Variants in ANXA13 observed in about 807,000 individuals in gnomAD.
ANXA13 encodes annexin XIII.
In ANXA13, 36 loss-of-function variants were observed where a neutral mutation model predicts 46.6. That is an observed-to-expected ratio of 0.77 (90% CI 0.59 to 1.02). The LOEUF (loss-of-function observed/expected upper bound fraction) is 1.02. Among genes scored for constraint, ANXA13 ranks in the 50% least tolerant of loss-of-function variants. The probability of loss-of-function intolerance (pLI) is 0.00; values close to 1 mark genes in which losing one functional copy is unlikely to be tolerated. For synonymous variants in ANXA13, 163 were observed against 152.9 expected, an observed-to-expected ratio of 1.07 and a Z score of -0.49; for missense variants, 417 against 396.5, an observed-to-expected ratio of 1.05 and a Z score of -0.44.
chr8:123,737,269 C>T (rs370658496), intron 1 of ANXA13, 51 bp downstream of exon 1: 2 of 1,561,606 alleles, frequency 1.3e-6, no homozygotes, highest in African/African-American at 1.4e-5. Context: ...TTAAATTCTT[C>T]CACATGCTAA....
intron 1 of ANXA13, chr8:123,729,161 G>T (rs1814060362): frequency 6.6e-6 from 1 of 152,188 alleles, no homozygotes; most frequent in South Asian, 2.1e-4. Context: ...ACATCTTACA[G>T]ATACTTAGAG....
rs1563604403 is a variant in ANXA13, at chr8:123,686,754, A to G, written c.719-2032T>C. Among the ~76,000 whole-genome samples, 2 of 152,148 alleles carry G rather than the reference A, an allele frequency of 1.3e-5. 1 individual carries two copies. Among genetic ancestry groups the G allele is most frequent in the Admixed American group, 1.3e-4 (2 of 15,280 alleles). On this transcript the variant is annotated intron_variant, in intron 9 of 10. Coordinates refer to ENST00000419625, the MANE Select transcript of ANXA13 (RefSeq NM_004306.4). ...CTCACTTTGAGAAATGCTGCTCCAG[A>G]GGCTGGATGTGGTGGGAGCCATTTG...
intron 10 of ANXA13, among the ~76,000 whole-genome samples, chr8:123,681,885 G>A (rs1813046532): frequency 6.6e-6 from 1 of 151,974 alleles, no homozygotes; most frequent in Non-Finnish European, 1.5e-5. Context: ...CTCAGCTCCC[G>A]AAGTGCTGGG....
At chr8:123,692,105 A>G (rs1813254508) in intron 8 of ANXA13, among the ~76,000 whole-genome samples, 1 of 152,152 alleles carries the variant, frequency 6.6e-6, no homozygotes, top group Non-Finnish European at 1.5e-5. Flanking sequence ...CCAAAGCTTT[A>G]TTGTCTTTTT....
chr8:123,731,722 A>G (rs1412524204), intron 1 of ANXA13, among the ~76,000 whole-genome samples: 1 of 152,076 alleles, frequency 6.6e-6, no homozygotes, highest in African/African-American at 2.4e-5. Context: ...AAAAAATTAA[A>G]AAGTAGCTGG....
At chr8:123,723,780 T>C (rs1361306682) in intron 1 of ANXA13, among the ~76,000 whole-genome samples, 2 of 152,220 alleles carry the variant, frequency 1.3e-5, no homozygotes, top group African/African-American at 4.8e-5. Context: ...ACTTTTTTAT[T>C]AGTCTATTTC....
At chr8:123,689,632 T>C (rs893972006) in intron 8 of ANXA13, among the ~76,000 whole-genome samples, 1 of 152,146 alleles carries the variant, frequency 6.6e-6, no homozygotes, top group Non-Finnish European at 1.5e-5. Flanking sequence ...CTGCGCAGCA[T>C]TACACATTAG....
chr8:123,715,454 C>G lies in ANXA13; in HGVS notation c.16-2701G>C, dbSNP rs543508397. On this transcript the variant is annotated intron_variant, in intron 1 of 10. Transcript: ENST00000419625. ...AATTGAATCAGGGCAACAGAAATCT[C>G]CTATCACTCGGCTAATTCATGAGCT... Among the ~76,000 whole-genome samples the G allele has an allele frequency of 3.3e-5, 5 of 152,356 alleles. No homozygotes were observed. In the South Asian group the frequency reaches 1.0e-3, roughly 32 times the overall value.
intron 1 of ANXA13, among the ~76,000 whole-genome samples, chr8:123,716,793 C>T (rs1813766866): frequency 6.6e-6 from 1 of 152,092 alleles, no homozygotes; most frequent in African/African-American, 2.4e-5. Flanking sequence ...GGATAGACAG[C>T]TGACGATGGG....
chr8:123,708,442 A>T (rs949447713), intron 2 of ANXA13, among the ~76,000 whole-genome samples: 1 of 152,204 alleles, frequency 6.6e-6, no homozygotes, highest in Admixed American at 6.5e-5. Context: ...TTGGGCTCCA[A>T]TGCCAGCCCA....
At chr8:123,696,317 G>A (rs569832599) in intron 4 of ANXA13, among the ~76,000 whole-genome samples, 86 of 152,226 alleles carry the variant, frequency 5.6e-4, no homozygotes, top group African/African-American at 2.0e-3. Flanking sequence ...AATAAGCTAC[G>A]GTTTACTTAG....
chr8:123,729,763 T>A lies in ANXA13; in HGVS notation c.15+7557A>T, dbSNP rs139311419. Among the ~76,000 whole-genome samples, 5 of 152,348 alleles carry A rather than the reference T, an allele frequency of 3.3e-5. No individual in the cohort carries two copies. In the East Asian group the frequency reaches 9.6e-4, roughly 29 times the overall value. The stretch of plus-strand genomic sequence containing the variant: ...GCTTAATTCAGAGCTCCTGTTAGAA[T>A]TGACAATTAAATGTCTTTGTTATTT... On this transcript the variant is annotated intron_variant, in intron 1 of 10. Coordinates refer to ENST00000419625, the MANE Select transcript of ANXA13 (RefSeq NM_004306.4).
At chr8:123,699,208 G>T (rs570585530) in intron 3 of ANXA13, among the ~76,000 whole-genome samples, 35 of 152,206 alleles carry the variant, frequency 2.3e-4, no homozygotes, top group Admixed American at 9.2e-4. Flanking sequence ...TTGAGACAGG[G>T]TGACTTTGTC....
intron 1 of ANXA13, among the ~76,000 whole-genome samples, chr8:123,725,977 G>A (rs983522578): frequency 6.6e-6 from 1 of 152,156 alleles, no homozygotes; most frequent in Non-Finnish European, 1.5e-5. Flanking sequence ...TTTCCAAGAT[G>A]CAGTATTACA....
intron 4 of ANXA13, 152 bp from the exon 5 acceptor site, chr8:123,695,873 G>T: frequency 1.5e-6 from 1 of 651,864 alleles, no homozygotes; most frequent in Non-Finnish European, 2.6e-6. Context: ...CAGGGCACAC[G>T]CCTGGAGCGA....
intron 8 of ANXA13, among the ~76,000 whole-genome samples, chr8:123,689,506 A>C (rs959499354): frequency 6.6e-6 from 1 of 152,004 alleles, no homozygotes; most frequent in African/African-American, 2.4e-5. Context: ...AGTTCCTGAG[A>C]GGGTGGGTCT....
rs1175948161 is a variant in ANXA13 at position 123,695,575 on chromosome 8, T to A, written c.398A>T (p.Asp133Val). The change falls in exon 6 of 11, where the codon GAT (aspartate) becomes GTT (valine). Residue 133 changes from aspartate (D) to valine (V), a missense_variant. Coordinates refer to ENST00000419625, the MANE Select transcript of ANXA13 (RefSeq NM_004306.4). The stretch of plus-strand genomic sequence containing the variant: ...TTTGACATCTGATTCGAGGCTCCTA[T>A]CAAATACTTCGAAGGAAGTAAACAA... ...AIKEAYQRLF[D>V]RSLESDVKGD... is the part of the protein sequence containing the mutation. 1 of 1,613,966 alleles carries A rather than the reference T, an allele frequency of 6.2e-7. No homozygotes were observed. The highest frequency in any genetic ancestry group is 2.2e-5 in the East Asian group (1 of 44,860).
intron 1 of ANXA13, 92 bp from the exon 2 acceptor site, chr8:123,712,845 GTCA>G: frequency 1.8e-6 from 2 of 1,094,042 alleles, no homozygotes; most frequent in Non-Finnish European, 2.8e-6. Context: ...GGACCAAATA[GTCA>G]TCCTAACCAG....
Position 123,684,646 on chromosome 8 carries a change from C to T in ANXA13, c.795G>A (p.Glu265=), listed in dbSNP as rs1226402550. 2 of 1,614,042 alleles carry T rather than the reference C, an allele frequency of 1.2e-6. No individual in the cohort carries two copies. Among genetic ancestry groups the T allele is most frequent in the African/African-American group, 1.3e-5 (1 of 74,922 alleles). ...TCACGACTATGCGAATCAACGTCTC[C>T]TCATCGGTCCCCGCACCCTTCATCG... is the stretch of plus-strand genomic sequence containing the variant. ...YKSMKGAGTD[E]ETLIRIVVTR... Residue 265 remains glutamate (E), a synonymous_variant, in exon 10 of 11, where the codon GAG becomes GAA. Transcript: ENST00000419625.
Sources: allele counts gnomAD v4.1 joint callset (sites outside exome capture counted in the v4.1 genomes callset), GRCh38; gene constraint gnomAD v4.1.1; transcripts MANE v1.5; gene names NCBI Gene and HGNC (gene_info 2026-07-23, HGNC 2026-07-21).